Variants in WWOX observed in about 807,000 individuals in gnomAD.
The protein encoded by WWOX is WW domain-containing oxidoreductase.
Under a neutral mutation model 46.2 loss-of-function variants are expected in WWOX, and 69 were observed. The ratio of observed to expected loss-of-function variants is 1.49; its 90% confidence interval spans 1.23 to 1.82. The LOEUF (loss-of-function observed/expected upper bound fraction) is 1.82. WWOX is among the 40% of genes most tolerant of loss of function. The pLI is 0.00. For synonymous variants in WWOX, 359 were observed against 202.6 expected (o/e 1.77, Z -6.56); for missense variants, 919 against 542.6 (o/e 1.69, Z -6.89).
intron 5 of WWOX, among the ~76,000 whole-genome samples, chr16:78,246,558 G>A (rs575018376): frequency 7.2e-5 from 11 of 152,328 alleles, no homozygotes; most frequent in Middle Eastern, 3.4e-3. Context: ...TGCTGTTCAT[G>A]TATAGCTGGT....
In WWOX at chr16:78,405,524, C is replaced by G. The variant is rs7192384; in HGVS notation, c.605+18576C>G. Among the ~76,000 whole-genome samples, 590 of 152,246 alleles carry G rather than the reference C, an allele frequency of 3.9e-3. 3 individuals carry two copies. The highest frequency in any genetic ancestry group is 0.013 in the African/African-American group (554 of 41,540). On this transcript the variant is annotated intron_variant, in intron 6 of 8. Coordinates refer to ENST00000566780, the MANE Select transcript of WWOX (RefSeq NM_016373.4). Reference sequence around the variant, plus strand: ...ATGTTTCTCATTTTATTTGCTCTTTCCTTGAATATTTATTCAGGACATTCT... The same window carrying G: ...ATGTTTCTCATTTTATTTGCTCTTTGCTTGAATATTTATTCAGGACATTCT...
rs552394608 is a variant in WWOX at position 78,190,007 on chromosome 16, A to G, written c.516+25718A>G. ...CTCACTTCCCACCCAAACCTTTCCTATTGTGGCAGCTGTTATCTTGTCCAG... is the reference window on the plus strand; with the variant it reads ...CTCACTTCCCACCCAAACCTTTCCTGTTGTGGCAGCTGTTATCTTGTCCAG... On this transcript the variant is annotated intron_variant, in intron 5 of 8. Transcript: ENST00000566780. Among the ~76,000 whole-genome samples, 32 of 152,188 alleles carry G rather than the reference A, an allele frequency of 2.1e-4. 1 individual carries two copies. In the South Asian group the frequency reaches 6.0e-3, roughly 29 times the overall value.
chr16:78,769,129 C>G (rs1450195228), intron 8 of WWOX, among the ~76,000 whole-genome samples: 1 of 152,056 alleles, frequency 6.6e-6, no homozygotes, highest in Non-Finnish European at 1.5e-5. Context: ...TTTTGGTATT[C>G]CAAATAATTG....
At chr16:79,054,400 G>A (rs1274150996) in intron 8 of WWOX, among the ~76,000 whole-genome samples, 1 of 152,194 alleles carries the variant, frequency 6.6e-6, no homozygotes, top group Non-Finnish European at 1.5e-5. Context: ...TCCTAGAGGA[G>A]GAAAATGCTT....
Position 79,023,239 on chromosome 16 carries a change from G to A in WWOX, c.1057-188369G>A, listed in dbSNP as rs559019664. On this transcript the variant is annotated intron_variant, in intron 8 of 8. Transcript: ENST00000566780. ...CATCTTGTTGGAAGGCTGTCAAGCT[G>A]TGTAATAAAAGAATTACTGTTCTCC... Among the ~76,000 whole-genome samples the A allele has an allele frequency of 5.3e-5, 8 of 152,320 alleles. No homozygotes were observed. In the South Asian group the frequency reaches 1.4e-3, roughly 28 times the overall value.
At chr16:78,803,301 C>A (rs975924283) in intron 8 of WWOX, among the ~76,000 whole-genome samples, 3 of 151,268 alleles carry the variant, frequency 2.0e-5, no homozygotes, top group Non-Finnish European at 2.9e-5. Context: ...GTAGTGGCTT[C>A]GCAGAGTATT....
At chr16:79,170,115 C>T (rs552658592) in intron 8 of WWOX, among the ~76,000 whole-genome samples, 1 of 152,298 alleles carries the variant, frequency 6.6e-6, no homozygotes, top group South Asian at 2.1e-4. Flanking sequence ...TATTTTTCAT[C>T]ATCTCTGGAA....
At chr16:78,244,397 T>G (rs374617039) in intron 5 of WWOX, among the ~76,000 whole-genome samples, 1 of 152,136 alleles carries the variant, frequency 6.6e-6, no homozygotes, top group East Asian at 1.9e-4. Flanking sequence ...CTCCTGCTGA[T>G]GATGGGGAAT....
chr16:78,160,868 G>A (rs1008941366), intron 4 of WWOX, among the ~76,000 whole-genome samples: 2 of 152,210 alleles, frequency 1.3e-5, no homozygotes, highest in African/African-American at 4.8e-5. Flanking sequence ...GTTACTAAGA[G>A]GGATATGTTA....
chr16:79,105,664 T>TG (rs199675906), intron 8 of WWOX, among the ~76,000 whole-genome samples: 27 of 151,942 alleles, frequency 1.8e-4, no homozygotes, highest in Admixed American at 1.2e-3. Flanking sequence ...CTTTTTGTTT[T>TG]TTTTTTTTTT....
intron 8 of WWOX, among the ~76,000 whole-genome samples, chr16:78,952,279 A>T (rs1466715944): frequency 2.6e-5 from 4 of 151,970 alleles, no homozygotes; most frequent in African/African-American, 9.7e-5. Flanking sequence ...GAAGCCTTCC[A>T]TGACTGCATT....
chr16:78,102,650 G>C (rs541402334), intron 1 of WWOX, among the ~76,000 whole-genome samples: 2 of 152,204 alleles, frequency 1.3e-5, no homozygotes, highest in Non-Finnish European at 2.9e-5. Context: ...CTTCTTAACT[G>C]TGGGTGTCCC....
chr16:78,614,274 A>G (rs996080205), intron 8 of WWOX, among the ~76,000 whole-genome samples: 1 of 152,378 alleles, frequency 6.6e-6, no homozygotes, highest in South Asian at 2.1e-4. Context: ...CTTGGGCAGT[A>G]TAGATAAATA....
Position 78,740,549 on chromosome 16 carries a change from G to A in WWOX, c.1056+307797G>A, listed in dbSNP as rs756587189. 2.6e-5 allele frequency among the ~76,000 whole-genome samples: 4 copies of A among 152,288 alleles called. No individual in the cohort carries two copies. In the South Asian group the frequency reaches 8.3e-4, roughly 32 times the overall value. The stretch of plus-strand genomic sequence containing the variant: ...TAGAATTCAGAGTTCCACGTGTAGA[G>A]GGGGATTCCACAGTGTGTGGTGTGC... On this transcript the variant is annotated intron_variant, in intron 8 of 8. Coordinates refer to ENST00000566780, the MANE Select transcript of WWOX (RefSeq NM_016373.4).
intron 8 of WWOX, among the ~76,000 whole-genome samples, chr16:79,159,735 T>A (rs2050448703): frequency 6.6e-6 from 1 of 152,196 alleles, no homozygotes; most frequent in African/African-American, 2.4e-5. Context: ...CAATCTAGTT[T>A]TATTTCTTCA....
Position 78,397,905 on chromosome 16 carries a change from C to T in WWOX, c.605+10957C>T, listed in dbSNP as rs190435485. On this transcript the variant is annotated intron_variant, in intron 6 of 8. Transcript: ENST00000566780. ...GGAGGTTAAAGTCAGAAGAGATTCTCGTCCGCTCAGTTAAGGTACTCAGAC... is the reference window on the plus strand; with the variant it reads ...GGAGGTTAAAGTCAGAAGAGATTCTTGTCCGCTCAGTTAAGGTACTCAGAC... Among the ~76,000 whole-genome samples, 146 of 152,316 alleles carry T rather than the reference C, an allele frequency of 9.6e-4. 1 individual carries two copies. The highest frequency in any genetic ancestry group is 3.4e-3 in the African/African-American group (141 of 41,574).
intron 8 of WWOX, among the ~76,000 whole-genome samples, chr16:78,592,757 T>C (rs2045380950): frequency 6.6e-6 from 1 of 152,174 alleles, no homozygotes; most frequent in Non-Finnish European, 1.5e-5. Flanking sequence ...TAAGTTGTTT[T>C]CTGGCCCTGG....
intron 8 of WWOX, among the ~76,000 whole-genome samples, chr16:78,523,284 G>C (rs578042902): frequency 1.8e-4 from 28 of 152,324 alleles, no homozygotes; most frequent in African/African-American, 6.5e-4. Context: ...ATATGTGCCA[G>C]TATATATAAA....
chr16:78,420,915 G>C (rs7185819), intron 6 of WWOX, among the ~76,000 whole-genome samples: 7 of 152,030 alleles, frequency 4.6e-5, no homozygotes, highest in Admixed American at 2.0e-4. Flanking sequence ...GGGGTATGGG[G>C]TATGAATCAC....
Sources: gnomAD v4.1 joint callset for allele counts (sites outside exome capture counted in the v4.1 genomes callset) on GRCh38, gnomAD v4.1.1 for gene constraint, MANE v1.5 for transcripts, NCBI Gene and HGNC (gene_info 2026-07-23, HGNC 2026-07-21) for gene names.